Variants in NBAS observed in about 807,000 individuals in gnomAD.
NBAS encodes the protein NAG/BC035112 fusion.
A neutral mutation model predicts 302.5 loss-of-function variants in NBAS; 219 were observed. The observed-to-expected ratio is 0.72, with a 90% CI of 0.65 to 0.81. The LOEUF is 0.81. Among genes scored for constraint, NBAS ranks in the 30% least tolerant of loss-of-function variants. NBAS has a pLI of 0.00. For missense variants in NBAS, 2,932 were observed against 2,841.6 expected (o/e 1.03, Z -0.72); for synonymous variants, 1,118 against 1,021.6 (o/e 1.09, Z -1.80).
At chr2:14,833,274 A>G in the NBAS span, among the ~76,000 whole-genome samples, 4 of 152,182 alleles carry the variant, frequency 2.6e-5, no homozygotes, top group African/African-American at 9.6e-5. Flanking sequence ...AGCCAAGTCC[A>G]TACCGATACA....
chr2:15,530,756 T>A (rs1663177644), intron 9 of NBAS, among the ~76,000 whole-genome samples: 2 of 149,050 alleles, frequency 1.3e-5, no homozygotes, highest in Non-Finnish European at 1.5e-5. Context: ...GAAGAGGAAA[T>A]AATCCAAGAA....
chr2:15,337,784 C>A (rs1672658535), intron 35 of NBAS, among the ~76,000 whole-genome samples: 1 of 152,066 alleles, frequency 6.6e-6, no homozygotes, highest in African/African-American at 2.4e-5. Context: ...ATAGTTTAAC[C>A]AGAAACATTA....
At chr2:14,993,284 T>C in the NBAS span, among the ~76,000 whole-genome samples, 1 of 152,198 alleles carries the variant, frequency 6.6e-6, no homozygotes, top group East Asian at 1.9e-4. Flanking sequence ...TGCAGACCTA[T>C]GCTTTAACTC....
At chr2:15,281,822 C>G (rs1669838596) in intron 42 of NBAS, among the ~76,000 whole-genome samples, 1 of 152,156 alleles carries the variant, frequency 6.6e-6, no homozygotes, top group Admixed American at 6.5e-5. Flanking sequence ...TCAGGCGTTT[C>G]TGACTATTTG....
the NBAS span, among the ~76,000 whole-genome samples, chr2:14,999,929 A>G: frequency 6.6e-6 from 1 of 152,208 alleles, no homozygotes; most frequent in Non-Finnish European, 1.5e-5. Flanking sequence ...GGTAGTGTAT[A>G]CCAGATGATG....
intron 44 of NBAS, among the ~76,000 whole-genome samples, chr2:15,256,486 T>C (rs1275685324): frequency 6.6e-6 from 1 of 151,552 alleles, no homozygotes. Flanking sequence ...ATCATATCAA[T>C]TGGCAAATAG....
the NBAS span, among the ~76,000 whole-genome samples, chr2:14,825,380 C>T: frequency 6.6e-6 from 1 of 152,270 alleles, no homozygotes; most frequent in East Asian, 1.9e-4. Context: ...AAGTAGGTAG[C>T]GTATGGTCAC....
chr2:14,882,641 G>A, the NBAS span, among the ~76,000 whole-genome samples: 2 of 152,176 alleles, frequency 1.3e-5, no homozygotes, highest in African/African-American at 4.8e-5. Context: ...TTCTGCATAA[G>A]AGAGAGTTTT....
At chr2:14,870,381 G>A in the NBAS span, among the ~76,000 whole-genome samples, 6 of 152,214 alleles carry the variant, frequency 3.9e-5, no homozygotes, top group Admixed American at 2.0e-4. Context: ...ACCAAGTGCA[G>A]AGAAAAGTCA....
intron 35 of NBAS, among the ~76,000 whole-genome samples, chr2:15,349,452 T>C (rs151183571): frequency 1.3e-5 from 2 of 152,148 alleles, no homozygotes; most frequent in African/African-American, 4.8e-5. Context: ...AAGGACAAAG[T>C]GTATCCATAT....
chr2:14,782,423 A>C, the NBAS span, among the ~76,000 whole-genome samples: 1 of 152,176 alleles, frequency 6.6e-6, no homozygotes, highest in Admixed American at 6.5e-5. Flanking sequence ...ATCTCACACC[A>C]GTCAGAGTGG....
At chr2:15,554,387 C>CA (rs897090761) in intron 3 of NBAS, among the ~76,000 whole-genome samples, 3 of 151,862 alleles carry the variant, frequency 2.0e-5, no homozygotes, top group Non-Finnish European at 2.9e-5. Context: ...TCCCAGGTAA[C>CA]AGACATCTAG....
intron 33 of NBAS, among the ~76,000 whole-genome samples, chr2:15,355,504 T>C (rs1310156335): frequency 6.6e-6 from 1 of 152,196 alleles, no homozygotes; most frequent in African/African-American, 2.4e-5. Flanking sequence ...AAAAGCACTA[T>C]GCTATCTGAT....
intron 44 of NBAS, among the ~76,000 whole-genome samples, chr2:15,269,255 A>C (rs1439407587): frequency 1.3e-5 from 2 of 152,220 alleles, no homozygotes; most frequent in East Asian, 3.8e-4. Context: ...TCTCTGCCAG[A>C]GGAGGCAGTA....
At chr2:14,924,471 C>A in the NBAS span, among the ~76,000 whole-genome samples, 1 of 152,242 alleles carries the variant, frequency 6.6e-6, no homozygotes, top group South Asian at 2.1e-4. Context: ...ATGCAAAAGG[C>A]TTCCCAGCAT....
At chr2:15,356,186 TCAAGCCTCAATGTGGCTGGCTTAC>T in intron 33 of NBAS, 93 bp downstream of exon 33, 1 of 809,322 alleles carries the variant, frequency 1.2e-6, no homozygotes, top group South Asian at 1.4e-5. Flanking sequence ...AAAATGTATC[TCAAGCCTCAATGTGGCTGGCTTAC>T]CAATCAGGTC....
chr2:14,971,877 C>A, the NBAS span, among the ~76,000 whole-genome samples: 1 of 152,176 alleles, frequency 6.6e-6, no homozygotes, highest in African/African-American at 2.4e-5. Flanking sequence ...ACCAAGACAA[C>A]CAGATACAAT....
chr2:15,095,446 AT>A, the NBAS span, among the ~76,000 whole-genome samples: 1 of 152,222 alleles, frequency 6.6e-6, no homozygotes, highest in African/African-American at 2.4e-5. Flanking sequence ...CGTGAGACTT[AT>A]TCACTACCAC....
intron 45 of NBAS, 24 bp from the exon 46 acceptor site, chr2:15,234,771 C>A: frequency 6.2e-7 from 1 of 1,606,160 alleles, no homozygotes; most frequent in South Asian, 1.1e-5. Flanking sequence ...GTAATCAGCA[C>A]TTAAGTATCA....
Sources: allele counts gnomAD v4.1 joint callset (sites outside exome capture counted in the v4.1 genomes callset), GRCh38; gene constraint gnomAD v4.1.1; transcripts MANE v1.5; gene names NCBI Gene and HGNC (gene_info 2026-07-23, HGNC 2026-07-21).